LRP1B: variants seen among roughly 807,000 people sequenced by gnomAD.
The protein encoded by LRP1B is low-density lipoprotein receptor-related protein 1B.
In LRP1B, 217 loss-of-function variants were observed where a neutral mutation model predicts 556.6. That is an observed-to-expected ratio of 0.39 (90% CI 0.35 to 0.44). The LOEUF is 0.44. Among genes scored for constraint, LRP1B ranks in the 20% least tolerant of loss-of-function variants. LRP1B has a pLI of 1.00. For missense variants in LRP1B, 5,053 were observed against 5,620.8 expected, an observed-to-expected ratio of 0.90 and a Z score of 3.23; for synonymous variants, 2,047 against 1,865.8, an observed-to-expected ratio of 1.10 and a Z score of -2.50.
intron 2 of LRP1B, among the ~76,000 whole-genome samples, chr2:141,487,690 T>C (rs1683172254): frequency 6.6e-6 from 1 of 152,156 alleles, no homozygotes; most frequent in Admixed American, 6.6e-5. Context: ...CCTGGATCTT[T>C]CTTTATGCAA....
chr2:140,406,472 G>C (rs1399488878), intron 66 of LRP1B, among the ~76,000 whole-genome samples: 2 of 151,922 alleles, frequency 1.3e-5, no homozygotes, highest in Non-Finnish European at 2.9e-5. Flanking sequence ...AGGCTCCTAG[G>C]TCTAATAAAC....
chr2:140,683,587 C>T (rs977122875), intron 41 of LRP1B: 5 of 690,064 alleles, frequency 7.2e-6, no homozygotes, highest in South Asian at 1.4e-5. Flanking sequence ...AAAAGATTGC[C>T]AGGCTGTTCC....
intron 3 of LRP1B, among the ~76,000 whole-genome samples, chr2:141,324,436 T>C (rs1331560507): frequency 6.6e-6 from 1 of 152,174 alleles, no homozygotes; most frequent in Admixed American, 6.6e-5. Context: ...CAGATTCTGA[T>C]TTCCCAGATA....
chr2:141,552,748 G>A (rs933965306), intron 2 of LRP1B, among the ~76,000 whole-genome samples: 10 of 151,824 alleles, frequency 6.6e-5, no homozygotes, highest in African/African-American at 2.2e-4. Flanking sequence ...AAGAAAATGT[G>A]GTCTAGGATT....
intron 14 of LRP1B, 118 bp downstream of exon 14, chr2:141,013,438 G>T: frequency 1.3e-6 from 1 of 787,454 alleles, no homozygotes; most frequent in Non-Finnish European, 1.9e-6. Context: ...ACTTTGGAGG[G>T]AATTTGACAT....
At chr2:140,261,365 A>T (rs1383858451) in intron 86 of LRP1B, among the ~76,000 whole-genome samples, 2 of 151,824 alleles carry the variant, frequency 1.3e-5, no homozygotes, top group Admixed American at 6.6e-5. Flanking sequence ...GGACACACAG[A>T]GGGGATGTAA....
At chr2:141,645,469 CTTTTTT>C (rs750147915) in intron 2 of LRP1B, among the ~76,000 whole-genome samples, 3 of 48,392 alleles carry the variant, frequency 6.2e-5, no homozygotes, top group African/African-American at 1.9e-4. Context: ...GAAGACAAGG[CTTTTTT>C]TTTTTTTTTT....
chr2:141,228,238 C>T (rs955648591), intron 6 of LRP1B, among the ~76,000 whole-genome samples: 4 of 152,032 alleles, frequency 2.6e-5, no homozygotes, highest in Non-Finnish European at 4.4e-5. Context: ...TTATTTTAGC[C>T]GAATTTGTAA....
intron 2 of LRP1B, among the ~76,000 whole-genome samples, chr2:141,668,522 T>TGAACATC (rs1299205872): frequency 6.6e-5 from 10 of 152,218 alleles, no homozygotes; most frequent in South Asian, 2.1e-4. Flanking sequence ...AAGGAATGTC[T>TGAACATC]GAACATCGAG....
intron 7 of LRP1B, among the ~76,000 whole-genome samples, chr2:141,083,992 T>A (rs971516968): frequency 1.3e-5 from 2 of 152,250 alleles, no homozygotes; most frequent in Non-Finnish European, 2.9e-5. Flanking sequence ...CAGCTGGGAA[T>A]AAGTTACTTA....
rs573639732 is a variant in LRP1B, at chr2:140,678,321, C to A, written c.6799+21929G>T. 1.9e-3 allele frequency among the ~76,000 whole-genome samples: 281 copies of A among 148,690 alleles called. 1 individual carries two copies. The highest frequency in any genetic ancestry group is 3.0e-3 in the Non-Finnish European group (204 of 67,988). On this transcript the variant is annotated intron_variant, in intron 41 of 90. Coordinates refer to ENST00000389484, the MANE Select transcript of LRP1B (RefSeq NM_018557.3). ...GTGTGCTTTTTCTCTCATAAAATAT[C>A]TTTCCTTTGGAATAAGAAGCTAATA...
chr2:141,396,663 G>A (rs1358719953), intron 3 of LRP1B, among the ~76,000 whole-genome samples: 1 of 151,944 alleles, frequency 6.6e-6, no homozygotes, highest in Non-Finnish European at 1.5e-5. Flanking sequence ...ATAAATAAAT[G>A]CTCTCAGCTG....
intron 43 of LRP1B, among the ~76,000 whole-genome samples, chr2:140,571,034 G>A (rs1485374858): frequency 6.6e-6 from 1 of 151,672 alleles, no homozygotes; most frequent in Non-Finnish European, 1.5e-5. Flanking sequence ...TATATGACAA[G>A]CACAAAGCTA....
At chr2:141,108,250 T>G (rs1700656524) in intron 7 of LRP1B, among the ~76,000 whole-genome samples, 1 of 151,692 alleles carries the variant, frequency 6.6e-6, no homozygotes. Flanking sequence ...AGGAAAACTC[T>G]TTAAACAAGT....
At chr2:140,311,163 C>A (rs1684280399) in intron 83 of LRP1B, among the ~76,000 whole-genome samples, 3 of 151,676 alleles carry the variant, frequency 2.0e-5, no homozygotes, top group African/African-American at 7.3e-5. Context: ...ATACAGCAAT[C>A]CCACTACTGA....
rs1682469800 is a variant in LRP1B at position 141,209,915 on chromosome 2, A to C, written c.850+19268T>G. On this transcript the variant is annotated intron_variant, in intron 6 of 90. Transcript: ENST00000389484. ...GCTGAGATTCTAGCAATTATGCAAA[A>C]AAGTGTTTTTGTTTTAAAGTGAGTT... Among the ~76,000 whole-genome samples, 3 of 152,192 alleles carry C rather than the reference A, an allele frequency of 2.0e-5. No individual in the cohort carries two copies. In the South Asian group the frequency reaches 6.2e-4, roughly 31 times the overall value.
intron 43 of LRP1B, among the ~76,000 whole-genome samples, chr2:140,556,353 A>C (rs1680733082): frequency 6.6e-6 from 1 of 152,004 alleles, no homozygotes; most frequent in Non-Finnish European, 1.5e-5. Flanking sequence ...GGAGGAAGGG[A>C]ATGTCGCACA....
chr2:141,528,957 G>A lies in LRP1B; in HGVS notation c.206-48424C>T, dbSNP rs1245245305. 2.6e-5 allele frequency among the ~76,000 whole-genome samples: 4 copies of A among 152,118 alleles called. No homozygotes were observed. The East Asian group carries it at 7.7e-4, about 29-fold the overall frequency. On this transcript the variant is annotated intron_variant, in intron 2 of 90. Transcript: ENST00000389484. ...TTGTTTTTAGTGTGCACAATTCTTA[G>A]TCTTAGATGTTTATCTAAAGAACAA...
intron 23 of LRP1B, chr2:140,899,067 C>G (rs1694028874): frequency 6.9e-6 from 2 of 291,742 alleles, no homozygotes; most frequent in Admixed American, 8.3e-5. Context: ...TTAAAATAAA[C>G]TTCAATAAGT....
Sources: allele counts gnomAD v4.1 joint callset (sites outside exome capture counted in the v4.1 genomes callset), GRCh38; gene constraint gnomAD v4.1.1; transcripts MANE v1.5; gene names NCBI Gene and HGNC (gene_info 2026-07-23, HGNC 2026-07-21).